Variants in MCF2L2 observed in about 807,000 individuals in gnomAD.
The protein encoded by MCF2L2 is probable guanine nucleotide exchange factor MCF2L2.
In MCF2L2, 102 loss-of-function variants were observed where a neutral mutation model predicts 150.2. That is an observed-to-expected ratio of 0.68 (90% confidence interval 0.58 to 0.80). MCF2L2 has a LOEUF of 0.80. Ranked by LOEUF, MCF2L2 falls within the 30% of genes least tolerant of loss-of-function variation. The pLI, the probability that MCF2L2 is intolerant of heterozygous loss-of-function variation, is 0.00. For synonymous variants in MCF2L2, 465 were observed against 491.3 expected (o/e 0.95, Z 0.71); for missense variants, 1,256 against 1,372.8 (o/e 0.91, Z 1.34).
At position 183,309,634 on chromosome 3, in the gene MCF2L2, T is replaced by C. The variant is rs1026685275; in HGVS notation, c.1113+82A>G. Reference sequence around the variant, plus strand: ...GGCATTCCTGTGTCCTTTAGCAACCTTCCAATAGCAATGACTGGACATGAT... The same window carrying C: ...GGCATTCCTGTGTCCTTTAGCAACCCTCCAATAGCAATGACTGGACATGAT... On this transcript the variant is annotated intron_variant, in intron 10 of 29. Coordinates refer to ENST00000328913, the MANE Select transcript of MCF2L2 (RefSeq NM_015078.4). 4.4e-6 allele frequency: 7 copies of C among 1,586,490 alleles called. No individual in the cohort carries two copies. In the African/African-American group the frequency reaches 9.4e-5, roughly 21 times the overall value.
chr3:183,417,626 T>C (rs1715672678), intron 1 of MCF2L2, among the ~76,000 whole-genome samples: 1 of 152,238 alleles, frequency 6.6e-6, no homozygotes, highest in South Asian at 2.1e-4. Flanking sequence ...GGTAGATCTG[T>C]TAGCAATTAA....
At chr3:183,233,198 A>T (rs1723639464) in intron 15 of MCF2L2, among the ~76,000 whole-genome samples, 1 of 152,006 alleles carries the variant, frequency 6.6e-6, no homozygotes, top group Non-Finnish European at 1.5e-5. Flanking sequence ...TAAAAATACA[A>T]AAAATTAGAT....
chr3:183,198,381 A>G (rs1362039209), intron 25 of MCF2L2, among the ~76,000 whole-genome samples: 1 of 152,204 alleles, frequency 6.6e-6, no homozygotes, highest in Admixed American at 6.5e-5. Context: ...AGAAAATGCA[A>G]ACTAACCTAT....
At position 183,219,877 on chromosome 3, in the gene MCF2L2, A is replaced by G; in HGVS notation, c.2349T>C (p.Gly783=). The change falls in exon 21 of 30, where the codon GGT becomes GGC. Residue 783 remains glycine, a synonymous_variant. Transcript: ENST00000328913. ...GTACCTTAGCCGAGCCTCCTAGTTC[A>G]CCTGGGTCTATCTCCATATCTTCAG... ...ESPEDMEIDP[G]ELGGSAKDGP... 4 of 1,613,248 alleles carry G rather than the reference A, an allele frequency of 2.5e-6. No homozygotes were observed. Among genetic ancestry groups the G allele is most frequent in the Non-Finnish European group, 3.4e-6 (4 of 1,179,220 alleles).
intron 15 of MCF2L2, among the ~76,000 whole-genome samples, chr3:183,256,702 C>T (rs552653106): frequency 6.6e-6 from 1 of 152,298 alleles, no homozygotes; most frequent in East Asian, 1.9e-4. Context: ...CTTCCTATAA[C>T]TTTTTCATAG....
Position 183,185,360 on chromosome 3 carries a change from G to A in MCF2L2, c.3017-5201C>T, listed in dbSNP as rs566247589. ...CCTTCCTTTCACTTGGAAGAACCAGGGGGTAACTAACTGCTAACAATTCCA... is the reference window on the plus strand; with the variant it reads ...CCTTCCTTTCACTTGGAAGAACCAGAGGGTAACTAACTGCTAACAATTCCA... On this transcript the variant is annotated intron_variant, in intron 27 of 29. Coordinates refer to ENST00000328913, the MANE Select transcript of MCF2L2 (RefSeq NM_015078.4). Among the ~76,000 whole-genome samples, 7 of 152,348 alleles carry A rather than the reference G, an allele frequency of 4.6e-5. No individual in the cohort carries two copies. The East Asian group carries it at 1.2e-3, about 25-fold the overall frequency.
intron 1 of MCF2L2, among the ~76,000 whole-genome samples, chr3:183,427,466 A>G (rs1194790405): frequency 1.3e-5 from 2 of 152,206 alleles, no homozygotes; most frequent in African/African-American, 4.8e-5. Flanking sequence ...CTCTCCCTGC[A>G]CTTTCTTATA....
intron 3 of MCF2L2, among the ~76,000 whole-genome samples, chr3:183,361,114 A>AGAC (rs1560040371): frequency 2.9e-4 from 44 of 149,834 alleles, no homozygotes; most frequent in African/African-American, 5.8e-4. Context: ...AGAAAAGAAA[A>AGAC]AAGAAAAAGA....
chr3:183,354,961 G>A (rs1711670228), intron 3 of MCF2L2, among the ~76,000 whole-genome samples: 1 of 152,044 alleles, frequency 6.6e-6, no homozygotes, highest in Non-Finnish European at 1.5e-5. Context: ...ATAAATGTAA[G>A]AATTAAAGCA....
At chr3:183,364,230 G>A (rs1217756440) in intron 3 of MCF2L2, among the ~76,000 whole-genome samples, 1 of 151,976 alleles carries the variant, frequency 6.6e-6, no homozygotes, top group East Asian at 1.9e-4. Flanking sequence ...AAAGATAAAG[G>A]CAGAGGCCAG....
At chr3:183,366,091 CTT>C (rs1167561689) in intron 3 of MCF2L2, among the ~76,000 whole-genome samples, 2 of 152,006 alleles carry the variant, frequency 1.3e-5, no homozygotes, top group African/African-American at 4.8e-5. Flanking sequence ...CTAAGAAAGA[CTT>C]TATGCAGGTT....
intron 2 of MCF2L2, among the ~76,000 whole-genome samples, chr3:183,389,242 G>A: frequency 6.6e-6 from 1 of 152,154 alleles, no homozygotes; most frequent in East Asian, 1.9e-4. Flanking sequence ...TCAAATGCTT[G>A]ATGGAAATCC....
rs1726677008 is a variant in MCF2L2 at position 183,270,609 on chromosome 3, G to A, written c.1862+6263C>T. ...TGATGTAGCTGCCAAAGTCTATGAG[G>A]CATCACAGACACTAAATTCAAGTCT... On this transcript the variant is annotated intron_variant, in intron 15 of 29. Coordinates refer to ENST00000328913, the MANE Select transcript of MCF2L2 (RefSeq NM_015078.4). This position sits in a 1 kb window ranked among gnomAD's most constrained non-coding sequence, Gnocchi z 4.5. 2 of 1,614,150 alleles carry A rather than the reference G, an allele frequency of 1.2e-6. No individual in the cohort carries two copies. The highest frequency in any genetic ancestry group is 1.7e-6 in the Non-Finnish European group (2 of 1,180,034).
chr3:183,381,074 G>A (rs896020031), intron 2 of MCF2L2, among the ~76,000 whole-genome samples: 1 of 152,154 alleles, frequency 6.6e-6, no homozygotes, highest in Non-Finnish European at 1.5e-5. Context: ...GAGGGTTTGG[G>A]AACCTCTGCC....
intron 5 of MCF2L2, among the ~76,000 whole-genome samples, chr3:183,334,031 G>A (rs1188185450): frequency 2.6e-5 from 4 of 151,006 alleles, no homozygotes; most frequent in South Asian, 2.1e-4. Flanking sequence ...AGGGGTTCCC[G>A]CTGGCCAAAT....
At chr3:183,394,567 A>G (rs1190792217) in intron 1 of MCF2L2, among the ~76,000 whole-genome samples, 2 of 152,334 alleles carry the variant, frequency 1.3e-5, no homozygotes, top group East Asian at 1.9e-4. Flanking sequence ...TAACACAAAC[A>G]TATTTCCTTC....
chr3:183,293,864 G>A (rs78071991), intron 13 of MCF2L2, among the ~76,000 whole-genome samples: 1,546 of 152,096 alleles, frequency 0.01, 26 homozygotes, highest in East Asian at 0.051. Flanking sequence ...ATTCATTATA[G>A]GGTTAAAAAA....
chr3:183,362,593 C>T (rs999498451), intron 3 of MCF2L2, among the ~76,000 whole-genome samples: 2 of 141,786 alleles, frequency 1.4e-5, no homozygotes, highest in African/African-American at 5.9e-5. Flanking sequence ...TACAATTTAG[C>T]ATCTTACAGG....
intron 2 of MCF2L2, among the ~76,000 whole-genome samples, chr3:183,383,519 G>A (rs559510934): frequency 1.3e-5 from 2 of 152,080 alleles, no homozygotes; most frequent in East Asian, 1.9e-4. Context: ...GATTACAGGC[G>A]TAAGCCACCA....
Sources: allele counts gnomAD v4.1 joint callset (sites outside exome capture counted in the v4.1 genomes callset), GRCh38; gene constraint gnomAD v4.1.1; non-coding constraint Gnocchi (gnomAD v3.1); transcripts MANE v1.5; gene names NCBI Gene and HGNC (gene_info 2026-07-23, HGNC 2026-07-21).